CACNB4: variants seen among roughly 807,000 people sequenced by gnomAD.
The protein encoded by CACNB4 is calcium voltage-gated channel auxiliary subunit beta 4, also known as voltage-dependent L-type calcium channel subunit beta-4.
Under a neutral mutation model 71.2 loss-of-function variants are expected in CACNB4, and 32 were observed. That is an observed-to-expected ratio of 0.45 (90% confidence interval 0.34 to 0.60). The LOEUF is 0.60. CACNB4 is among the 20% of genes least tolerant of loss of function. The probability of loss-of-function intolerance (pLI) is 0.01; values close to 1 mark genes in which losing one functional copy is unlikely to be tolerated. For missense variants in CACNB4, 464 were observed against 647.9 expected (o/e 0.72, Z 3.08); for synonymous variants, 231 against 236.9 (o/e 0.97, Z 0.23).
Position 151,921,014 on chromosome 2 carries a change from A to G in CACNB4, c.148-37644T>C, listed in dbSNP as rs185018448. 3.5e-3 allele frequency among the ~76,000 whole-genome samples: 534 copies of G among 152,054 alleles called. 2 individuals are homozygous for G. The highest frequency in any genetic ancestry group is 4.2e-3 in the Non-Finnish European group (286 of 67,962). ...AAATTAGCTGGGCATGGTGGTGGGC[A>G]CCTGTAGTCCCAGCTACTTGGGAGA... On this transcript the variant is annotated intron_variant, in intron 2 of 13. Coordinates refer to ENST00000539935, the MANE Select transcript of CACNB4 (RefSeq NM_000726.5).
chr2:151,978,175 TTC>T (rs1411651973), intron 2 of CACNB4, among the ~76,000 whole-genome samples: 2 of 27,252 alleles, frequency 7.3e-5, no homozygotes, highest in Admixed American at 9.9e-4. Context: ...TCTGCTGTAG[TTC>T]TCTGAGGCGG....
intron 2 of CACNB4, among the ~76,000 whole-genome samples, chr2:152,037,745 T>C (rs1431729301): frequency 1.3e-5 from 2 of 152,206 alleles, no homozygotes; most frequent in African/African-American, 4.8e-5. Flanking sequence ...TAGGGAGACA[T>C]GGCCTCCCTC....
At chr2:151,960,946 A>G (rs62175755) in intron 2 of CACNB4, among the ~76,000 whole-genome samples, 4,402 of 152,304 alleles carry the variant, frequency 0.029, 64 homozygotes, top group African/African-American at 0.039. Flanking sequence ...TTTACACACC[A>G]TAAAACCAGT....
At chr2:151,975,765 G>C (rs1192405994) in intron 2 of CACNB4, among the ~76,000 whole-genome samples, 1 of 152,194 alleles carries the variant, frequency 6.6e-6, no homozygotes, top group Non-Finnish European at 1.5e-5. Context: ...ATTTCAACCA[G>C]AATCAACAGA....
At chr2:151,997,395 G>A (rs1442019582) in intron 2 of CACNB4, among the ~76,000 whole-genome samples, 11 of 152,116 alleles carry the variant, frequency 7.2e-5, no homozygotes, top group African/African-American at 1.9e-4. Context: ...TTAGGCAGGC[G>A]TGGTGGCGGG....
At chr2:151,977,023 A>G (rs1049661206) in intron 2 of CACNB4, among the ~76,000 whole-genome samples, 1 of 151,472 alleles carries the variant, frequency 6.6e-6, no homozygotes, top group African/African-American at 2.5e-5. Context: ...ATGAAAGAGA[A>G]ACCACCCCGT....
intron 2 of CACNB4, chr2:151,967,404 A>G (rs1560086914): frequency 6.6e-6 from 1 of 152,066 alleles, no homozygotes; most frequent in African/African-American, 2.4e-5. Context: ...ATTTTTTCAT[A>G]ATACAAAGTA....
chr2:151,862,456 C>T (rs2151380871), intron 9 of CACNB4, among the ~76,000 whole-genome samples: 1 of 152,290 alleles, frequency 6.6e-6, no homozygotes, highest in African/African-American at 2.4e-5. Flanking sequence ...AATTTTAGAA[C>T]TGTTAGACCC....
At chr2:152,011,932 C>T (rs551925482) in intron 2 of CACNB4, among the ~76,000 whole-genome samples, 3 of 152,164 alleles carry the variant, frequency 2.0e-5, no homozygotes, top group South Asian at 2.1e-4. Flanking sequence ...GTTTTTGTGA[C>T]GATGCTAGTG....
chr2:151,943,456 G>A (rs929831535), intron 2 of CACNB4, among the ~76,000 whole-genome samples: 7 of 152,198 alleles, frequency 4.6e-5, no homozygotes, highest in Non-Finnish European at 1.0e-4. Context: ...GAGGTCTTCT[G>A]GCTAAAATGT....
intron 2 of CACNB4, among the ~76,000 whole-genome samples, chr2:151,912,039 G>T (rs1242814645): frequency 2.0e-5 from 3 of 151,904 alleles, no homozygotes; most frequent in Non-Finnish European, 4.4e-5. Flanking sequence ...TTTTTATTGT[G>T]TCTATTTGAT....
At chr2:152,038,212 CAA>C (rs1684694994) in intron 2 of CACNB4, among the ~76,000 whole-genome samples, 1 of 152,168 alleles carries the variant, frequency 6.6e-6, no homozygotes, top group South Asian at 2.1e-4. Context: ...GAATGCAGAA[CAA>C]AAAGTCTTGT....
chr2:151,911,682 T>G (rs1227226201), intron 2 of CACNB4, among the ~76,000 whole-genome samples: 1 of 152,232 alleles, frequency 6.6e-6, no homozygotes, highest in Non-Finnish European at 1.5e-5. Flanking sequence ...AGGATAATGC[T>G]GGCTTCATAA....
chr2:152,098,866 C>A lies in CACNB4; in HGVS notation c.63+83G>T. 8.6e-7 allele frequency: 1 copy of A among 1,160,344 alleles called. No individual in the cohort carries two copies. The highest frequency in any genetic ancestry group is 1.6e-5 in the South Asian group (1 of 60,908). 71.9% of individuals were successfully genotyped at this position (1,160,344 alleles called of 1,614,324 possible). Reference sequence around the variant, plus strand: ...GGACTGGGGCCCCGCACGCCCGGCACGAAGGCGGGGCGCGCTAGGGCGGCG... The same window carrying A: ...GGACTGGGGCCCCGCACGCCCGGCAAGAAGGCGGGGCGCGCTAGGGCGGCG... On this transcript the variant is annotated intron_variant, in intron 1 of 13. Transcript: ENST00000539935. This position sits in a 1 kb window ranked among gnomAD's most constrained non-coding sequence, Gnocchi z 5.3.
intron 2 of CACNB4, among the ~76,000 whole-genome samples, chr2:152,041,109 G>A (rs1348097140): frequency 6.6e-6 from 1 of 152,120 alleles, no homozygotes; most frequent in Non-Finnish European, 1.5e-5. Context: ...TTTCAACCTC[G>A]GATAAAGCTC....
At chr2:151,984,770 G>A (rs1681245252) in intron 2 of CACNB4, among the ~76,000 whole-genome samples, 1 of 152,148 alleles carries the variant, frequency 6.6e-6, no homozygotes, top group South Asian at 2.1e-4. Flanking sequence ...AGAAGAGAAT[G>A]AAATATATTT....
At chr2:151,979,061 T>C (rs1191968264) in intron 2 of CACNB4, among the ~76,000 whole-genome samples, 1 of 152,034 alleles carries the variant, frequency 6.6e-6, no homozygotes, top group Non-Finnish European at 1.5e-5. Context: ...TCTTGCTCCA[T>C]CATCCCCACC....
At chr2:151,870,460 G>A in intron 8 of CACNB4, 71 bp downstream of exon 8, 1 of 1,276,180 alleles carries the variant, frequency 7.8e-7, no homozygotes, top group Non-Finnish European at 1.1e-6. Context: ...GACCCTTGAG[G>A]AGCAAGCGTC....
At chr2:151,995,709 AAAAATAAAAT>A (rs1015153491) in intron 2 of CACNB4, among the ~76,000 whole-genome samples, 11 of 152,254 alleles carry the variant, frequency 7.2e-5, no homozygotes, top group Admixed American at 7.2e-4. Flanking sequence ...ACTCCGTCTC[AAAAATAAAAT>A]AAAATAAAAT....
Sources: allele counts gnomAD v4.1 joint callset (sites outside exome capture counted in the v4.1 genomes callset), GRCh38; gene constraint gnomAD v4.1.1; non-coding constraint Gnocchi (gnomAD v3.1); transcripts MANE v1.5; gene names NCBI Gene and HGNC (gene_info 2026-07-23, HGNC 2026-07-21).